Variants in SEMA3C observed in about 807,000 individuals in gnomAD.
SEMA3C encodes the protein semaphorin-3C.
Under a neutral mutation model 89.4 loss-of-function variants are expected in SEMA3C, and 47 were observed. That is an observed-to-expected ratio of 0.53 (90% confidence interval 0.42 to 0.67). SEMA3C has a LOEUF of 0.67. Ranked by LOEUF, SEMA3C falls within the 30% of genes least tolerant of loss-of-function variation. The probability of loss-of-function intolerance (pLI) is 0.00; values close to 1 mark genes in which losing one functional copy is unlikely to be tolerated. For synonymous variants in SEMA3C, 310 were observed against 320.2 expected (o/e 0.97, Z 0.34); for missense variants, 839 against 929.1 (o/e 0.90, Z 1.26).
chr7:80,882,604 G>A (rs570229560), intron 2 of SEMA3C, among the ~76,000 whole-genome samples: 1 of 151,850 alleles, frequency 6.6e-6, no homozygotes, highest in Non-Finnish European at 1.5e-5. Context: ...AGCTCAACAG[G>A]CACACTAGGG....
chr7:80,820,303 AC>A (rs1310148837), intron 4 of SEMA3C, among the ~76,000 whole-genome samples: 1 of 151,224 alleles, frequency 6.6e-6, no homozygotes, highest in Admixed American at 6.6e-5. Flanking sequence ...CTCATGAACC[AC>A]CCGCCTCGGC....
rs1357542847 is a variant in SEMA3C at position 80,789,487 on chromosome 7, C to T, written c.1173G>A (p.Lys391=). Residue 391 remains lysine (K), a synonymous_variant, in exon 12 of 18, where the codon AAG becomes AAA. Coordinates refer to ENST00000265361, the MANE Select transcript of SEMA3C (RefSeq NM_006379.5). ...AAGTGACAACATCATCTGGGAACTC[C>T]TTGGTGGTTCGCATATTGGGTGTAA... is the stretch of plus-strand genomic sequence containing the variant. ...GAFTPNMRTT[K]EFPDDVVTFI... 6.2e-7 allele frequency: 1 copy of T among 1,613,722 alleles called. No homozygotes were observed. Among genetic ancestry groups the T allele is most frequent in the East Asian group, 2.2e-5 (1 of 44,856 alleles).
chr7:80,790,427 T>A (rs2093516261), intron 11 of SEMA3C, among the ~76,000 whole-genome samples: 1 of 152,036 alleles, frequency 6.6e-6, no homozygotes, highest in African/African-American at 2.4e-5. Context: ...ATCTGGTAAC[T>A]CCCCTCTATC....
intron 2 of SEMA3C, among the ~76,000 whole-genome samples, chr7:80,832,517 TA>T (rs930293064): frequency 2.0e-5 from 3 of 152,196 alleles, no homozygotes; most frequent in Non-Finnish European, 1.5e-5. Context: ...GTGAGTGTTT[TA>T]AATACGGCCA....
intron 12 of SEMA3C, among the ~76,000 whole-genome samples, chr7:80,776,957 T>C (rs1437812915): frequency 6.6e-6 from 1 of 152,150 alleles, no homozygotes; most frequent in Non-Finnish European, 1.5e-5. Context: ...TATATACTAA[T>C]ATATATGATA....
At chr7:80,885,192 A>C (rs1053862201) in intron 2 of SEMA3C, among the ~76,000 whole-genome samples, 1 of 152,176 alleles carries the variant, frequency 6.6e-6, no homozygotes, top group African/African-American at 2.4e-5. Context: ...GCAGAGTATC[A>C]CCTGATGTCT....
chr7:80,810,590 C>A, intron 6 of SEMA3C, 21 bp downstream of exon 6: 1 of 1,588,196 alleles, frequency 6.3e-7, no homozygotes, highest in Non-Finnish European at 8.6e-7. Context: ...TTTAATCCTC[C>A]CTCTTTCGTT....
rs548346376 is a variant in SEMA3C at position 80,819,623 on chromosome 7, A to G, written c.328-1205T>C. On this transcript the variant is annotated intron_variant, in intron 4 of 17. Transcript: ENST00000265361. ...GACATAATCAATCTCTTTGCCCTGG[A>G]TCTCCTAAAATACTCCTTTCTTCTC... 1.5e-3 allele frequency among the ~76,000 whole-genome samples: 227 copies of G among 152,278 alleles called. 2 individuals carry two copies. Among genetic ancestry groups the G allele is most frequent in the African/African-American group, 5.2e-3 (218 of 41,544 alleles).
At chr7:80,914,913 A>C (rs529630864) in intron 2 of SEMA3C, among the ~76,000 whole-genome samples, 1 of 152,318 alleles carries the variant, frequency 6.6e-6, no homozygotes, top group Non-Finnish European at 1.5e-5. Flanking sequence ...AGATTATACT[A>C]TGTAATTTCC....
At chr7:80,893,202 G>A (rs1360010267) in intron 2 of SEMA3C, among the ~76,000 whole-genome samples, 1 of 152,056 alleles carries the variant, frequency 6.6e-6, no homozygotes, top group African/African-American at 2.4e-5. Flanking sequence ...CCAAACAACT[G>A]CCCTGTCAGG....
chr7:80,860,417 T>C (rs1256241914), intron 2 of SEMA3C, among the ~76,000 whole-genome samples: 3 of 152,190 alleles, frequency 2.0e-5, no homozygotes, highest in Non-Finnish European at 4.4e-5. Flanking sequence ...CACCATCATA[T>C]TTCCATTAAC....
intron 2 of SEMA3C, among the ~76,000 whole-genome samples, chr7:80,899,756 A>G (rs987951704): frequency 6.6e-6 from 1 of 152,210 alleles, no homozygotes; most frequent in African/African-American, 2.4e-5. Context: ...AGAAAAAATG[A>G]GAAATAAAGA....
At chr7:80,867,902 A>G (rs1384557658) in intron 2 of SEMA3C, among the ~76,000 whole-genome samples, 1 of 152,230 alleles carries the variant, frequency 6.6e-6, no homozygotes, top group African/African-American at 2.4e-5. Flanking sequence ...ATAGGGCATG[A>G]CAAAGACAGT....
intron 1 of SEMA3C, among the ~76,000 whole-genome samples, chr7:80,917,608 C>T (rs1792308567): frequency 6.6e-6 from 1 of 152,156 alleles, no homozygotes; most frequent in Non-Finnish European, 1.5e-5. Context: ...AAAATTGGTA[C>T]ATGCTATTAA....
chr7:80,790,071 C>T (rs1356335610), intron 11 of SEMA3C, among the ~76,000 whole-genome samples: 2 of 151,992 alleles, frequency 1.3e-5, no homozygotes, highest in Admixed American at 1.3e-4. Flanking sequence ...GATGTTGAAG[C>T]CAGGGGTTCA....
chr7:80,868,781 C>T (rs1190318534), intron 2 of SEMA3C, among the ~76,000 whole-genome samples: 1 of 152,044 alleles, frequency 6.6e-6, no homozygotes, highest in African/African-American at 2.4e-5. Flanking sequence ...CAGCTGATTA[C>T]TGTGTGGTTA....
chr7:80,827,392 G>GTTTTTT (rs36066966), intron 4 of SEMA3C, 33 bp downstream of exon 4: 64 of 1,234,232 alleles, frequency 5.2e-5, no homozygotes, highest in South Asian at 2.5e-4. Context: ...TTAAGTTAGT[G>GTTTTTT]TTTTTTTTTT....
At chr7:80,922,211 C>A, upstream of SEMA3C, 2 of 1,265,490 alleles carry the variant, frequency 1.6e-6, no homozygotes, top group African/African-American at 1.5e-5. Flanking sequence ...GAAACTCAAG[C>A]GTGATTGCCG....
rs188645998 is a variant in SEMA3C, at chr7:80,871,845, T to C, written c.104-43100A>G. Among the ~76,000 whole-genome samples, 37 of 152,336 alleles carry C rather than the reference T, an allele frequency of 2.4e-4. No individual in the cohort carries two copies. In the East Asian group the frequency reaches 6.2e-3, roughly 25 times the overall value. On this transcript the variant is annotated intron_variant, in intron 2 of 17. Coordinates refer to ENST00000265361, the MANE Select transcript of SEMA3C (RefSeq NM_006379.5). ...ACTATTTTTTGGTCTATGTTTATTA[T>C]TTATCATAGTAGAAATTAAAATTGA...
Sources: allele counts gnomAD v4.1 joint callset (sites outside exome capture counted in the v4.1 genomes callset), GRCh38; gene constraint gnomAD v4.1.1; transcripts MANE v1.5; gene names NCBI Gene and HGNC (gene_info 2026-07-23, HGNC 2026-07-21).